Variants in PRKCE observed in about 807,000 individuals in gnomAD.
PRKCE encodes the protein protein kinase C epsilon type.
Under a neutral mutation model 85.4 loss-of-function variants are expected in PRKCE, and 16 were observed. That is an observed-to-expected ratio of 0.19 (90% CI 0.13 to 0.28). The LOEUF (loss-of-function observed/expected upper bound fraction) is 0.28, where lower values mean the gene tolerates loss of function less well. PRKCE is among the 10% of genes least tolerant of loss of function. The pLI is 1.00. For missense variants in PRKCE, 573 were observed against 975.2 expected (o/e 0.59, Z 5.49); for synonymous variants, 388 against 371.5 (o/e 1.04, Z -0.51).
At chr2:46,026,688 AT>A (rs1165568109) in intron 10 of PRKCE, among the ~76,000 whole-genome samples, 1 of 152,116 alleles carries the variant, frequency 6.6e-6, no homozygotes, top group Admixed American at 6.5e-5. Context: ...TTTGAAGGGG[AT>A]TTATAAGAGA....
chr2:45,768,996 G>T (rs1685116483), intron 1 of PRKCE, among the ~76,000 whole-genome samples: 1 of 152,206 alleles, frequency 6.6e-6, no homozygotes, highest in African/African-American at 2.4e-5. Context: ...CTCAAAACCT[G>T]CTTTCAAAGC....
chr2:45,844,860 G>A (rs1425766151), intron 2 of PRKCE, among the ~76,000 whole-genome samples: 1 of 152,090 alleles, frequency 6.6e-6, no homozygotes, highest in Admixed American at 6.5e-5. Flanking sequence ...TAAATCAGAA[G>A]CAATTGATTT....
At chr2:45,939,743 C>T (rs558991904) in intron 2 of PRKCE, among the ~76,000 whole-genome samples, 2 of 152,224 alleles carry the variant, frequency 1.3e-5, no homozygotes, top group East Asian at 3.9e-4. Context: ...TTAGTAGAGA[C>T]GAGGTTTTAT....
chr2:45,652,312 C>T lies in PRKCE; in HGVS notation c.212C>T (p.Thr71Ile). 7 of 1,613,784 alleles carry T rather than the reference C, an allele frequency of 4.3e-6. No homozygotes were observed. Among genetic ancestry groups the T allele is most frequent in the Non-Finnish European group, 5.9e-6 (7 of 1,180,026 alleles). The change falls in exon 1 of 15, where the codon ACC (threonine) becomes ATC (isoleucine). Residue 71 changes from threonine to isoleucine, a missense_variant. By Grantham distance (89) the Thr-to-Ile change is moderately conservative. Coordinates refer to ENST00000306156, the MANE Select transcript of PRKCE (RefSeq NM_005400.3). This position sits in a 1 kb window ranked among gnomAD's most constrained non-coding sequence, Gnocchi z 7.7. ...CCGGCCTGGCACGACGAGTTCGTCA[C>T]CGATGTGTGCAACGGACGCAAGATC... ...NSPAWHDEFV[T>I]DVCNGRKIEL... is the part of the protein sequence containing the mutation.
intron 1 of PRKCE, among the ~76,000 whole-genome samples, chr2:45,804,285 A>G (rs1295705490): frequency 6.6e-6 from 1 of 152,228 alleles, no homozygotes; most frequent in Non-Finnish European, 1.5e-5. Context: ...AGAAAATGGA[A>G]TGGGTTTCAA....
chr2:46,168,579 G>C (rs1171196943), intron 14 of PRKCE, among the ~76,000 whole-genome samples: 1 of 152,222 alleles, frequency 6.6e-6, no homozygotes, highest in Non-Finnish European at 1.5e-5. Flanking sequence ...GGAGAAGCTT[G>C]ACAAAGGCAA....
At chr2:45,721,920 T>C (rs1002674022) in intron 1 of PRKCE, among the ~76,000 whole-genome samples, 4 of 151,800 alleles carry the variant, frequency 2.6e-5, no homozygotes, top group Admixed American at 2.0e-4. Context: ...TTTGAGCATC[T>C]TTCTTTCTTA....
chr2:46,082,448 T>C (rs891084767), intron 10 of PRKCE, among the ~76,000 whole-genome samples: 1 of 152,084 alleles, frequency 6.6e-6, no homozygotes, highest in African/African-American at 2.4e-5. Context: ...GAGAACTAGT[T>C]CATTGGGGTA....
chr2:46,162,593 T>C (rs886744015), intron 14 of PRKCE, among the ~76,000 whole-genome samples: 2 of 152,044 alleles, frequency 1.3e-5, no homozygotes, highest in African/African-American at 2.4e-5. Flanking sequence ...TTGAATTCAG[T>C]TGGGAGGAGA....
rs1037949758 is a variant in PRKCE at position 46,184,162 on chromosome 2, G to A, written c.2068-573G>A. 3.9e-5 allele frequency among the ~76,000 whole-genome samples: 6 copies of A among 152,160 alleles called. No individual in the cohort carries two copies. Among genetic ancestry groups the A allele is most frequent in the African/African-American group, 7.2e-5 (3 of 41,428 alleles). On this transcript the variant is annotated intron_variant, in intron 14 of 14. Transcript: ENST00000306156. This position sits in a 1 kb window ranked among gnomAD's most constrained non-coding sequence, Gnocchi z 5.0. ...TTGGTCTAGACAAAAGCATAAAAAC[G>A]TCATTGCAAGTCAATGTGCTGAGTT...
chr2:45,964,596 C>T (rs776906228), intron 2 of PRKCE, among the ~76,000 whole-genome samples: 1 of 152,152 alleles, frequency 6.6e-6, no homozygotes, highest in Non-Finnish European at 1.5e-5. Context: ...TAATATGTAA[C>T]TGTGAATGGA....
intron 2 of PRKCE, among the ~76,000 whole-genome samples, chr2:45,951,952 C>T (rs1700651511): frequency 6.6e-6 from 1 of 152,224 alleles, no homozygotes. Context: ...CATGCCTCAG[C>T]CTCCTGAGTA....
chr2:46,132,745 C>G (rs531379086), intron 11 of PRKCE, among the ~76,000 whole-genome samples: 11 of 152,268 alleles, frequency 7.2e-5, no homozygotes, highest in African/African-American at 2.6e-4. Context: ...TGGAAAGCAC[C>G]GCATGGTCTT....
chr2:45,905,673 G>T lies in PRKCE; in HGVS notation c.412+62610G>T, dbSNP rs1042896789. On this transcript the variant is annotated intron_variant, in intron 2 of 14. Coordinates refer to ENST00000306156, the MANE Select transcript of PRKCE (RefSeq NM_005400.3). This position sits in a 1 kb window ranked among gnomAD's most constrained non-coding sequence, Gnocchi z 4.4. The stretch of plus-strand genomic sequence containing the variant: ...CCCTAGCTGGGGAACCTCTGATGCT[G>T]GGAGGGTGGATGCCAGGTGGTGGAA... Among the ~76,000 whole-genome samples, 1 of 152,174 alleles carries T rather than the reference G, an allele frequency of 6.6e-6. No homozygotes were observed. The highest frequency in any genetic ancestry group is 2.4e-5 in the African/African-American group (1 of 41,444).
chr2:45,654,122 C>G (rs989864977), intron 1 of PRKCE, among the ~76,000 whole-genome samples: 2 of 152,216 alleles, frequency 1.3e-5, no homozygotes, highest in African/African-American at 4.8e-5. Flanking sequence ...AGATGGGAGC[C>G]TTTTGCAGTG....
intron 2 of PRKCE, among the ~76,000 whole-genome samples, chr2:45,902,200 G>A (rs1485608635): frequency 6.6e-6 from 1 of 152,160 alleles, no homozygotes; most frequent in Non-Finnish European, 1.5e-5. Context: ...GGCGACTTTG[G>A]GATTCATCTC....
intron 11 of PRKCE, among the ~76,000 whole-genome samples, chr2:46,093,549 G>C (rs1320252653): frequency 7.6e-6 from 1 of 130,988 alleles, no homozygotes; most frequent in Non-Finnish European, 1.6e-5. Flanking sequence ...TTTTTTTTGA[G>C]ATAGGGTCTT....
At chr2:46,042,114 G>A (rs1708248470) in intron 10 of PRKCE, among the ~76,000 whole-genome samples, 1 of 152,168 alleles carries the variant, frequency 6.6e-6, no homozygotes, top group South Asian at 2.1e-4. Flanking sequence ...AAAAGAGTCG[G>A]TTAATGTGAA....
intron 11 of PRKCE, among the ~76,000 whole-genome samples, chr2:46,135,746 CTTTTTTTTTTTTT>C (rs11417233): frequency 4.8e-5 from 1 of 20,658 alleles, no homozygotes; most frequent in South Asian, 4.3e-3. Flanking sequence ...ACAAATTATG[CTTTTTTTTTTTTT>C]TTTTTTTTTT....
Sources: allele counts gnomAD v4.1 joint callset (sites outside exome capture counted in the v4.1 genomes callset), GRCh38; gene constraint gnomAD v4.1.1; non-coding constraint Gnocchi (gnomAD v3.1); transcripts MANE v1.5; gene names NCBI Gene and HGNC (gene_info 2026-07-23, HGNC 2026-07-21).